The following THSD7B variants were observed in gnomAD, a reference collection of about 807,000 sequenced individuals.
THSD7B encodes thrombospondin type-1 domain-containing protein 7B.
In THSD7B, 138 loss-of-function variants were observed where a neutral mutation model predicts 213.6. The ratio of observed to expected loss-of-function variants is 0.65; its 90% CI spans 0.56 to 0.74. THSD7B has a LOEUF of 0.74. Among genes scored for constraint, THSD7B ranks in the 30% least tolerant of loss-of-function variants. The pLI is 0.00. For missense variants in THSD7B, 1,931 were observed against 1,991.5 expected (o/e 0.97, Z 0.58); for synonymous variants, 742 against 687.0 (o/e 1.08, Z -1.25).
intron 2 of THSD7B, among the ~76,000 whole-genome samples, chr2:137,024,035 T>C (rs1686497942): frequency 1.3e-5 from 2 of 152,184 alleles, no homozygotes; most frequent in African/African-American, 2.4e-5. Flanking sequence ...GAAAAGGCCA[T>C]TGATTACACA....
At chr2:137,501,938 A>AG (rs1679716894) in intron 15 of THSD7B, among the ~76,000 whole-genome samples, 1 of 152,234 alleles carries the variant, frequency 6.6e-6, no homozygotes, top group Non-Finnish European at 1.5e-5. Context: ...GATCTGGCTA[A>AG]TGAATTAAGT....
chr2:136,967,567 G>A (rs933961278), intron 2 of THSD7B, among the ~76,000 whole-genome samples: 10 of 151,750 alleles, frequency 6.6e-5, no homozygotes, highest in Non-Finnish European at 1.3e-4. Flanking sequence ...TGCCTTATTC[G>A]TATTTCAAAA....
chr2:137,438,268 G>T (rs1182524102), intron 14 of THSD7B, among the ~76,000 whole-genome samples: 1 of 152,092 alleles, frequency 6.6e-6, no homozygotes, highest in Non-Finnish European at 1.5e-5. Context: ...AGCCCATGTT[G>T]TTATCTACCA....
intron 3 of THSD7B, among the ~76,000 whole-genome samples, chr2:137,065,976 AT>A (rs34335304): frequency 0.26 from 39,857 of 151,632 alleles, 6,926 homozygotes; most frequent in African/African-American, 0.49. Flanking sequence ...ATGACATTTT[AT>A]TTTTCCTTAA....
At chr2:137,612,403 G>C (rs1319691575) in intron 17 of THSD7B, among the ~76,000 whole-genome samples, 2 of 152,088 alleles carry the variant, frequency 1.3e-5, no homozygotes, top group African/African-American at 4.8e-5. Context: ...CAGCTCTCTG[G>C]AGGGAGCCAG....
intron 15 of THSD7B, among the ~76,000 whole-genome samples, chr2:137,516,772 A>G (rs1237240066): frequency 2.0e-5 from 3 of 152,198 alleles, no homozygotes; most frequent in Non-Finnish European, 2.9e-5. Context: ...GGTGAGGGCA[A>G]TGATGATGGG....
At chr2:137,170,256 A>T (rs1275559961) in intron 6 of THSD7B, among the ~76,000 whole-genome samples, 1 of 152,296 alleles carries the variant, frequency 6.6e-6, no homozygotes, top group East Asian at 1.9e-4. Flanking sequence ...CTGATGTGTA[A>T]ACCTCAGTGA....
chr2:136,775,699 G>A (rs910936072), intron 1 of THSD7B, among the ~76,000 whole-genome samples: 1 of 152,042 alleles, frequency 6.6e-6, no homozygotes, highest in African/African-American at 2.4e-5. Context: ...ATACCAGGAG[G>A]ACCATTTAAT....
intron 12 of THSD7B, among the ~76,000 whole-genome samples, chr2:137,279,573 G>A (rs926073753): frequency 2.0e-5 from 3 of 151,994 alleles, no homozygotes; most frequent in Non-Finnish European, 1.5e-5. Flanking sequence ...TAAAGTGATC[G>A]ATGCAGTGTT....
At chr2:136,874,410 A>G (rs1031261452) in intron 1 of THSD7B, among the ~76,000 whole-genome samples, 2 of 152,220 alleles carry the variant, frequency 1.3e-5, no homozygotes, top group African/African-American at 4.8e-5. Flanking sequence ...TATTGCAGTC[A>G]GACAATAGCC....
intron 5 of THSD7B, among the ~76,000 whole-genome samples, chr2:137,136,109 A>AG (rs1356631209): frequency 6.6e-6 from 1 of 152,158 alleles, no homozygotes; most frequent in Non-Finnish European, 1.5e-5. Context: ...CAATGAGAAC[A>AG]CATGGACACA....
chr2:137,139,634 C>CAA (rs1679543286), intron 5 of THSD7B, among the ~76,000 whole-genome samples: 1 of 152,058 alleles, frequency 6.6e-6, no homozygotes, highest in Non-Finnish European at 1.5e-5. Context: ...AGTAGTTTGC[C>CAA]AGCCATTGGG....
At chr2:137,541,571 C>G (rs1041199768) in intron 15 of THSD7B, among the ~76,000 whole-genome samples, 1 of 151,630 alleles carries the variant, frequency 6.6e-6, no homozygotes, top group Non-Finnish European at 1.5e-5. Flanking sequence ...TATCTTCCCT[C>G]TAGCTATTTG....
At chr2:137,180,452 C>G (rs956756596) in intron 7 of THSD7B, among the ~76,000 whole-genome samples, 1 of 152,058 alleles carries the variant, frequency 6.6e-6, no homozygotes. Flanking sequence ...CTGTTTCTGC[C>G]ATTTGACTCA....
chr2:137,057,318 C>A (rs1016404264), intron 3 of THSD7B, 88 bp downstream of exon 3: 9 of 1,268,068 alleles, frequency 7.1e-6, no homozygotes, highest in Non-Finnish European at 9.6e-6. Flanking sequence ...TTCTACAAAG[C>A]GAAAATGGCA....
chr2:136,908,869 G>A (rs1684212940), intron 2 of THSD7B, among the ~76,000 whole-genome samples: 1 of 152,130 alleles, frequency 6.6e-6, no homozygotes, highest in Non-Finnish European at 1.5e-5. Flanking sequence ...GGAACAACAG[G>A]AAGGATTAAT....
intron 14 of THSD7B, among the ~76,000 whole-genome samples, chr2:137,418,735 T>C (rs1168386710): frequency 6.6e-6 from 1 of 152,154 alleles, no homozygotes; most frequent in Non-Finnish European, 1.5e-5. Context: ...TACTCTCTAT[T>C]TTTATGACAT....
chr2:136,903,132 G>C (rs1464785909), intron 2 of THSD7B, among the ~76,000 whole-genome samples: 1 of 150,886 alleles, frequency 6.6e-6, no homozygotes, highest in Non-Finnish European at 1.5e-5. Context: ...TATAGAATAA[G>C]GTTATTGACA....
intron 21 of THSD7B, among the ~76,000 whole-genome samples, chr2:137,652,218 C>A (rs1683153318): frequency 6.6e-6 from 1 of 151,742 alleles, no homozygotes; most frequent in East Asian, 1.9e-4. Context: ...TTAATGTTTT[C>A]TTTATATACT....
Sources: allele counts gnomAD v4.1 joint callset (sites outside exome capture counted in the v4.1 genomes callset), GRCh38; gene constraint gnomAD v4.1.1; transcripts MANE v1.5; gene names NCBI Gene and HGNC (gene_info 2026-07-23, HGNC 2026-07-21).